Variants in SLC24A3 observed in about 807,000 individuals in gnomAD.
The protein encoded by SLC24A3 is solute carrier family 24 member 3.
In SLC24A3, 28 loss-of-function variants were observed where a neutral mutation model predicts 75.8. That is an observed-to-expected ratio of 0.37 (90% confidence interval 0.27 to 0.51). The LOEUF is 0.51. Ranked by LOEUF, SLC24A3 falls within the 20% of genes least tolerant of loss-of-function variation. The pLI, the probability that SLC24A3 is intolerant of heterozygous loss-of-function variation, is 0.94. For synonymous variants in SLC24A3, 372 were observed against 334.1 expected, an observed-to-expected ratio of 1.11 and a Z score of -1.24; for missense variants, 663 against 847.8, an observed-to-expected ratio of 0.78 and a Z score of 2.71.
At chr20:19,300,679 G>C (rs1408601527) in intron 2 of SLC24A3, among the ~76,000 whole-genome samples, 2 of 152,128 alleles carry the variant, frequency 1.3e-5, no homozygotes, top group Non-Finnish European at 2.9e-5. Flanking sequence ...TTCCTTCGGT[G>C]CGATGACTGA....
intron 2 of SLC24A3, among the ~76,000 whole-genome samples, chr20:19,311,267 G>T (rs138948184): frequency 6.6e-6 from 1 of 152,168 alleles, no homozygotes. Flanking sequence ...CCCCAGGCTT[G>T]CAGTCAGCAA....
chr20:19,639,598 A>C (rs912592990), intron 6 of SLC24A3, among the ~76,000 whole-genome samples: 13 of 152,220 alleles, frequency 8.5e-5, no homozygotes, highest in African/African-American at 3.1e-4. Flanking sequence ...CTGCAGGTGG[A>C]GGTGCCTGCC....
intron 2 of SLC24A3, among the ~76,000 whole-genome samples, chr20:19,427,316 G>A (rs1190113703): frequency 2.0e-5 from 3 of 152,110 alleles, no homozygotes; most frequent in Admixed American, 2.0e-4. Context: ...CCCCAGACTC[G>A]GACACACAGG....
At chr20:19,659,066 G>A (rs1026173059) in intron 7 of SLC24A3, among the ~76,000 whole-genome samples, 2 of 152,204 alleles carry the variant, frequency 1.3e-5, no homozygotes, top group African/African-American at 2.4e-5. Flanking sequence ...GCTGGAGGAC[G>A]GGGACTGTGA....
At chr20:19,298,701 C>T (rs1984119119) in intron 2 of SLC24A3, among the ~76,000 whole-genome samples, 1 of 152,202 alleles carries the variant, frequency 6.6e-6, no homozygotes, top group Non-Finnish European at 1.5e-5. Context: ...AAGCTTTACT[C>T]ACAAAGATTC....
intron 1 of SLC24A3, among the ~76,000 whole-genome samples, chr20:19,248,539 C>G (rs1227230237): frequency 6.6e-6 from 1 of 152,034 alleles, no homozygotes; most frequent in Admixed American, 6.6e-5. Context: ...ACCCTAGTAC[C>G]CTTTTGGCGG....
At chr20:19,248,717 A>G (rs1168413069) in intron 1 of SLC24A3, among the ~76,000 whole-genome samples, 1 of 152,106 alleles carries the variant, frequency 6.6e-6, no homozygotes. Context: ...TTGCAGCACT[A>G]TTCATGATAG....
At chr20:19,419,838 T>TTTA (rs1555792325) in intron 2 of SLC24A3, among the ~76,000 whole-genome samples, 103 of 151,308 alleles carry the variant, frequency 6.8e-4, no homozygotes, top group African/African-American at 2.5e-3. Context: ...TTTTTTTTTT[T>TTTA]TTATTATACT....
intron 7 of SLC24A3, among the ~76,000 whole-genome samples, chr20:19,660,000 T>G (rs1465754594): frequency 6.6e-6 from 1 of 152,196 alleles, no homozygotes; most frequent in African/African-American, 2.4e-5. Context: ...TCAGAGGTCA[T>G]GTGGAAGTCT....
At chr20:19,413,349 A>G (rs946120938) in intron 2 of SLC24A3, among the ~76,000 whole-genome samples, 3 of 152,222 alleles carry the variant, frequency 2.0e-5, no homozygotes, top group Non-Finnish European at 4.4e-5. Context: ...AAATAAATCA[A>G]TGGTACCAGA....
At chr20:19,598,039 C>T (rs1600296528) in intron 6 of SLC24A3, among the ~76,000 whole-genome samples, 3 of 152,268 alleles carry the variant, frequency 2.0e-5, no homozygotes, top group South Asian at 2.1e-4. Context: ...GACAGTGCAG[C>T]GTATCCCTTC....
intron 2 of SLC24A3, among the ~76,000 whole-genome samples, chr20:19,443,546 A>G (rs1600231902): frequency 6.6e-6 from 1 of 152,294 alleles, no homozygotes; most frequent in East Asian, 1.9e-4. Flanking sequence ...TGCTGTAATT[A>G]CTTTCAGGAG....
chr20:19,218,205 G>A (rs1476514770), intron 1 of SLC24A3, among the ~76,000 whole-genome samples: 2 of 152,224 alleles, frequency 1.3e-5, no homozygotes, highest in Non-Finnish European at 2.9e-5. Context: ...GAGCCCATCA[G>A]CTGACATGGA....
At chr20:19,270,430 T>G (rs927400526) in intron 1 of SLC24A3, among the ~76,000 whole-genome samples, 1 of 152,198 alleles carries the variant, frequency 6.6e-6, no homozygotes, top group Admixed American at 6.5e-5. Flanking sequence ...TTTAGCAGCT[T>G]AAAAAACAGC....
At chr20:19,235,192 A>T (rs1982129533) in intron 1 of SLC24A3, among the ~76,000 whole-genome samples, 1 of 152,110 alleles carries the variant, frequency 6.6e-6, no homozygotes, top group African/African-American at 2.4e-5. Flanking sequence ...TGGGACTGAG[A>T]CCCTGGCCTG....
At chr20:19,696,691 A>G in intron 13 of SLC24A3, 106 bp from the exon 14 acceptor site, 1 of 728,394 alleles carries the variant, frequency 1.4e-6, no homozygotes. Flanking sequence ...TGCACCCCAC[A>G]GAGATAGCCC....
At chr20:19,365,900 G>C (rs981657990) in intron 2 of SLC24A3, among the ~76,000 whole-genome samples, 1 of 152,058 alleles carries the variant, frequency 6.6e-6, no homozygotes, top group Non-Finnish European at 1.5e-5. Flanking sequence ...CTGACATGTG[G>C]GTCCTTTATT....
At chr20:19,420,594 TTTTCATAA>T (rs1157592372) in intron 2 of SLC24A3, among the ~76,000 whole-genome samples, 377 of 36,228 alleles carry the variant, frequency 0.01, 108 homozygotes, top group African/African-American at 0.059. Flanking sequence ...CATACTGCCA[TTTTCATAA>T]TTTCATAATT....
At chr20:19,412,877 C>T (rs927799854) in intron 2 of SLC24A3, among the ~76,000 whole-genome samples, 9 of 152,122 alleles carry the variant, frequency 5.9e-5, no homozygotes, top group Non-Finnish European at 2.9e-5. Context: ...ACTTTGGAGG[C>T]CTCCTTCTCT....
Sources: gnomAD v4.1 joint callset for allele counts (sites outside exome capture counted in the v4.1 genomes callset) on GRCh38, gnomAD v4.1.1 for gene constraint, MANE v1.5 for transcripts, NCBI Gene and HGNC (gene_info 2026-07-23, HGNC 2026-07-21) for gene names.